The following CASP2 variants were observed in gnomAD, a reference collection of about 807,000 sequenced individuals.
CASP2 encodes the protein caspase-2.
CASP2 carries 38 observed loss-of-function variants against 54.4 expected under a neutral mutation model. The ratio of observed to expected loss-of-function variants is 0.70; its 90% CI spans 0.54 to 0.92. The LOEUF is 0.92. Ranked by LOEUF, CASP2 falls within the 40% of genes least tolerant of loss-of-function variation. CASP2 has a pLI of 0.00. For synonymous variants in CASP2, 215 were observed against 216.3 expected, an observed-to-expected ratio of 0.99 and a Z score of 0.05; for missense variants, 512 against 579.6, an observed-to-expected ratio of 0.88 and a Z score of 1.20.
chr7:143,293,117 T>G (rs1801632308), intron 4 of CASP2: 22 of 605,938 alleles, frequency 3.6e-5, no homozygotes, highest in South Asian at 1.1e-4. Context: ...TTTTTTTGTT[T>G]TTTTTTTTTT....
chr7:143,296,376 G>T (rs1269677763), intron 6 of CASP2, among the ~76,000 whole-genome samples: 3 of 152,186 alleles, frequency 2.0e-5, no homozygotes, highest in African/African-American at 7.2e-5. Context: ...AGCATAAAAG[G>T]AAGTGTGTCC....
At position 143,294,664 on chromosome 7, in the gene CASP2, A is replaced by G. The variant is rs780077368; in HGVS notation, c.638A>G (p.Glu213Gly). ...TTGAGCAATGTGCACTTCACTGGAG[A>G]GAAAGAACTGGAATTTCGCTCTGGA... ...LVLSNVHFTG[E>G]KELEFRSGGD... The change falls in exon 6 of 11, where the codon GAG becomes GGG. Residue 213 changes from glutamate (E) to glycine (G), a missense_variant. By Grantham distance (98) the Glu-to-Gly change is moderately conservative. This residue lies in a region of CASP2 where 417 missense variants were observed against 495.4 expected (regional missense o/e 0.84). Coordinates refer to ENST00000310447, the MANE Select transcript of CASP2 (RefSeq NM_032982.4). 1.2e-4 allele frequency: 192 copies of G among 1,614,032 alleles called. No homozygotes were observed. Among genetic ancestry groups the G allele is most frequent in the Non-Finnish European group, 1.6e-4 (187 of 1,180,012 alleles).
chr7:143,301,266 T>C (rs1185984316), intron 8 of CASP2: 1 of 152,074 alleles, frequency 6.6e-6, no homozygotes, highest in Non-Finnish European at 1.5e-5. Flanking sequence ...ATTCAAATAA[T>C]TACTTTTTTA....
At chr7:143,290,848 A>G (rs938910769) in intron 1 of CASP2, 2 of 153,202 alleles carry the variant, frequency 1.3e-5, no homozygotes, top group African/African-American at 4.8e-5. Context: ...GCTGCTCTGT[A>G]ATGGGATCAT....
intron 6 of CASP2, 40 bp downstream of exon 6, chr7:143,294,813 C>T (rs1173482569): frequency 4.8e-5 from 73 of 1,534,174 alleles, no homozygotes; most frequent in Non-Finnish European, 6.5e-5. Flanking sequence ...AATTAGAGGA[C>T]TGAACAACAC....
In CASP2 at chr7:143,289,531, A is replaced by G. The variant is rs1801489828; in HGVS notation, c.74+1002A>G. 6 of 640,050 alleles carry G rather than the reference A, an allele frequency of 9.4e-6. No individual in the cohort carries two copies. In the South Asian group the frequency reaches 3.4e-4, roughly 36 times the overall value. 39.6% of individuals were successfully genotyped at this position (640,050 alleles called of 1,614,324 possible). A position where few individuals can be genotyped will look rare whatever the true frequency, so the allele number is the denominator to read the frequency against. ...AGGGCAGGCCAAAGGCCCTCTAAAGAAAACAGGAACTGGGTAGGCAGAGAG... is the reference window on the plus strand; with the variant it reads ...AGGGCAGGCCAAAGGCCCTCTAAAGGAAACAGGAACTGGGTAGGCAGAGAG... On this transcript the variant is annotated intron_variant, in intron 1 of 10. Transcript: ENST00000310447.
At chr7:143,303,280 C>T (rs1361731518) in intron 8 of CASP2, 1 of 152,802 alleles carries the variant, frequency 6.5e-6, no homozygotes, top group Non-Finnish European at 1.5e-5. Context: ...TTTTTTGATA[C>T]ATAGTTCGAG....
At chr7:143,294,186 G>A in intron 4 of CASP2, 44 bp from the exon 5 acceptor site, 1 of 1,013,926 alleles carries the variant, frequency 9.9e-7, no homozygotes, top group Non-Finnish European at 1.6e-6. Flanking sequence ...AAGATTGATG[G>A]TTAAGTTATA....
chr7:143,304,877 C>T lies in CASP2; in HGVS notation c.1228-63C>T, dbSNP rs562570069. On this transcript the variant is annotated intron_variant, in intron 10 of 10. Coordinates refer to ENST00000310447, the MANE Select transcript of CASP2 (RefSeq NM_032982.4). ...TCTTTCATAGTCCGTCTCCCCTTCC[C>T]GTTTGCTGCTCTCCTGAAGCCCGAG... 1.1e-4 allele frequency: 175 copies of T among 1,612,216 alleles called. No individual in the cohort carries two copies. In the Middle Eastern group the frequency reaches 1.7e-3, roughly 15 times the overall value.
At chr7:143,294,512 T>C (rs1586458095) in intron 5 of CASP2, 85 bp from the exon 6 acceptor site, 1 of 1,343,068 alleles carries the variant, frequency 7.4e-7, no homozygotes, top group East Asian at 2.3e-5. Flanking sequence ...AAATACGATG[T>C]CTTTGTTTTC....
intron 8 of CASP2, chr7:143,302,930 A>G (rs1255944404): frequency 6.6e-6 from 1 of 152,106 alleles, no homozygotes; most frequent in Non-Finnish European, 1.5e-5. Context: ...TTTCTGGGAG[A>G]AAACAGTCAA....
At chr7:143,289,621 C>G in intron 1 of CASP2, 1 of 984,084 alleles carries the variant, frequency 1.0e-6, no homozygotes, top group Non-Finnish European at 1.2e-6. Flanking sequence ...GCGAATACTA[C>G]TGGTAAACTA....
chr7:143,297,283 A>G (rs1296937718), intron 6 of CASP2, among the ~76,000 whole-genome samples: 1 of 152,180 alleles, frequency 6.6e-6, no homozygotes, highest in African/African-American at 2.4e-5. Context: ...TTGTAGAAAA[A>G]TTCCTCCAAA....
chr7:143,292,017 A>T (rs1801588115), intron 2 of CASP2, among the ~76,000 whole-genome samples: 1 of 151,498 alleles, frequency 6.6e-6, no homozygotes, highest in South Asian at 2.1e-4. Flanking sequence ...TGACCTCATG[A>T]TCCACCTGCC....
Position 143,307,347 on chromosome 7 carries a change from T to C in CASP2, c.*2276T>C, listed in dbSNP as rs1389040380. 6.6e-6 allele frequency: 1 copy of C among 152,224 alleles called. No individual in the cohort carries two copies. Among genetic ancestry groups the C allele is most frequent in the Non-Finnish European group, 1.5e-5 (1 of 68,036 alleles). The allele number at this position is 152,224 out of a possible 1,614,324, so 9.4% of individuals were successfully genotyped here. ...GAAGGCAAGCCAACCTTAGCTACAA[T>C]CCTACCTTTTGATAAAATGTTCCTT... On this transcript the variant is annotated 3_prime_UTR_variant, in exon 11 of 11. Transcript: ENST00000310447.
chr7:143,293,386 C>G (rs1007409104), intron 4 of CASP2, among the ~76,000 whole-genome samples: 5 of 152,144 alleles, frequency 3.3e-5, no homozygotes, highest in African/African-American at 1.2e-4. Context: ...CCTTGGCCTC[C>G]CAAAGTGCTG....
Position 143,304,968 on chromosome 7 carries a change from G to A in CASP2, c.1256G>A (p.Gly419Asp), listed in dbSNP as rs1802025474. Residue 419 changes from glycine to aspartate, a missense_variant, in exon 11 of 11, where the codon GGT becomes GAT. Gly to Asp is a moderately conservative substitution (Grantham distance 94). Coordinates refer to ENST00000310447, the MANE Select transcript of CASP2 (RefSeq NM_032982.4). ...AACGCACTTATCAAGGATCGGGAAGGTTATGCTCCTGGCACAGAATTCCAC... is the reference window on the plus strand; with the variant it reads ...AACGCACTTATCAAGGATCGGGAAGATTATGCTCCTGGCACAGAATTCCAC... ...KVNALIKDRE[G>D]YAPGTEFHRC... 1.2e-6 allele frequency: 2 copies of A among 1,614,204 alleles called. No homozygotes were observed. The highest frequency in any genetic ancestry group is 1.7e-6 in the Non-Finnish European group (2 of 1,180,040).
intron 6 of CASP2, chr7:143,298,776 T>G (rs1801830026): frequency 6.6e-6 from 1 of 151,636 alleles, no homozygotes; most frequent in Non-Finnish European, 1.5e-5. Context: ...AAATAGTCAC[T>G]GCACTCAAGC....
intron 8 of CASP2, chr7:143,302,207 C>T (rs745866946): frequency 3.9e-5 from 6 of 152,154 alleles, no homozygotes; most frequent in Non-Finnish European, 8.8e-5. Context: ...TTCTCTTTAG[C>T]TTGGCCTGTT....
Sources: gnomAD v4.1 joint callset for allele counts (sites outside exome capture counted in the v4.1 genomes callset) on GRCh38, gnomAD v4.1.1 for gene constraint, gnomAD v4.1.1 regional missense constraint, MANE v1.5 for transcripts, NCBI Gene and HGNC (gene_info 2026-07-23, HGNC 2026-07-21) for gene names.